MICU1: variants seen among roughly 807,000 people sequenced by gnomAD.
The protein encoded by MICU1 is mitochondrial calcium uptake 1, also known as calcium uptake protein 1, mitochondrial.
MICU1 carries 45 observed loss-of-function variants against 56.8 expected under a neutral mutation model. The ratio of observed to expected loss-of-function variants is 0.79; its 90% CI spans 0.62 to 1.02. The LOEUF is 1.02. MICU1 is among the 50% of genes least tolerant of loss of function. The pLI is 0.00. For synonymous variants in MICU1, 186 were observed against 195.1 expected, an observed-to-expected ratio of 0.95 and a Z score of 0.39; for missense variants, 504 against 587.1, an observed-to-expected ratio of 0.86 and a Z score of 1.46.
At chr10:72,497,836 A>T (rs1866897647) in intron 6 of MICU1, among the ~76,000 whole-genome samples, 1 of 152,308 alleles carries the variant, frequency 6.6e-6, no homozygotes, top group Non-Finnish European at 1.5e-5. Context: ...GAACTCAAAG[A>T]AGCCACATCT....
intron 1 of MICU1, among the ~76,000 whole-genome samples, chr10:72,593,664 T>G (rs1431111504): frequency 6.6e-6 from 1 of 152,162 alleles, no homozygotes; most frequent in Non-Finnish European, 1.5e-5. Flanking sequence ...ATAAATGAAT[T>G]CAGCAAGATG....
At chr10:72,413,125 A>T (rs11815027) in intron 9 of MICU1, among the ~76,000 whole-genome samples, 6,242 of 152,064 alleles carry the variant, frequency 0.041, 421 homozygotes, top group African/African-American at 0.14. Context: ...TGAACCCAGG[A>T]GGTGGAGGTT....
At chr10:72,575,965 G>C (rs1297885046) in intron 1 of MICU1, among the ~76,000 whole-genome samples, 1 of 152,138 alleles carries the variant, frequency 6.6e-6, no homozygotes, top group Non-Finnish European at 1.5e-5. Context: ...TGTAATCCCA[G>C]CACTTTGGGA....
chr10:72,491,988 C>T (rs1866672305), intron 6 of MICU1, among the ~76,000 whole-genome samples: 1 of 152,056 alleles, frequency 6.6e-6, no homozygotes, highest in African/African-American at 2.4e-5. Context: ...TATCCCCCTC[C>T]AAACATCCCT....
intron 5 of MICU1, among the ~76,000 whole-genome samples, chr10:72,518,034 CTTT>C (rs1197780931): frequency 7.0e-6 from 1 of 142,738 alleles, no homozygotes. Flanking sequence ...TTCTTTTCTT[CTTT>C]TTTTTTTTTT....
intron 8 of MICU1, among the ~76,000 whole-genome samples, chr10:72,445,428 T>C (rs1384508664): frequency 6.6e-6 from 1 of 152,142 alleles, no homozygotes; most frequent in Non-Finnish European, 1.5e-5. Flanking sequence ...AGAATATTGA[T>C]CAAAACACAG....
At chr10:72,565,786 C>T (rs1840417191) in intron 2 of MICU1, among the ~76,000 whole-genome samples, 3 of 152,070 alleles carry the variant, frequency 2.0e-5, no homozygotes, top group Non-Finnish European at 4.4e-5. Context: ...TACACTCCAG[C>T]CTGGGCGACA....
At chr10:72,623,763 C>G (rs1283366560) in intron 1 of MICU1, among the ~76,000 whole-genome samples, 1 of 151,794 alleles carries the variant, frequency 6.6e-6, no homozygotes, top group Non-Finnish European at 1.5e-5. Context: ...TGCTTGAACC[C>G]AGGAGGCAGA....
rs111892556 is a variant in MICU1 at position 72,600,844 on chromosome 10, C to T, written c.-2+25166G>A. 6.5e-3 allele frequency among the ~76,000 whole-genome samples: 991 copies of T among 152,252 alleles called. 8 individuals are homozygous for T. Among genetic ancestry groups the T allele is most frequent in the South Asian group, 0.015 (70 of 4,822 alleles). On this transcript the variant is annotated intron_variant, in intron 1 of 11. Coordinates refer to ENST00000361114, the MANE Select transcript of MICU1 (RefSeq NM_001195518.2). ...GTTCAGTACTATCTGCTGTTTCAGG[C>T]ATCCACTGAGGGTCTTAGAACATAT...
At chr10:72,526,619 T>A (rs1867970368) in intron 5 of MICU1, among the ~76,000 whole-genome samples, 1 of 152,118 alleles carries the variant, frequency 6.6e-6, no homozygotes, top group African/African-American at 2.4e-5. Flanking sequence ...CATCCTAAAT[T>A]TTGCTTGTCT....
chr10:72,411,874 ACTGAATGG>A (rs1281987818), intron 9 of MICU1, among the ~76,000 whole-genome samples: 5 of 152,182 alleles, frequency 3.3e-5, no homozygotes, highest in African/African-American at 1.2e-4. Context: ...AACAATCTAA[ACTGAATGG>A]CTATTCATTT....
chr10:72,387,427 G>C (rs1862926559), intron 10 of MICU1, among the ~76,000 whole-genome samples: 1 of 152,188 alleles, frequency 6.6e-6, no homozygotes, highest in African/African-American at 2.4e-5. Context: ...TTTATATAAA[G>C]AGTTGTTCTA....
At chr10:72,401,527 A>G (rs10823920) in intron 10 of MICU1, among the ~76,000 whole-genome samples, 87,416 of 151,936 alleles carry the variant, frequency 0.58, 25,966 homozygotes, top group Middle Eastern at 0.66. Flanking sequence ...GGTGGCACGC[A>G]CCTATAGTCC....
chr10:72,368,116 G>T lies in MICU1; in HGVS notation c.*79C>A, dbSNP rs549037748. On this transcript the variant is annotated 3_prime_UTR_variant, in exon 12 of 12. Transcript: ENST00000361114. ...AGGGGGACTACTTCCAGAAGCAGCA[G>T]CACAAAGGGCTCTGCCGAGACTCTG... 4 of 1,451,638 alleles carry T rather than the reference G, an allele frequency of 2.8e-6. No individual in the cohort carries two copies. Among genetic ancestry groups the T allele is most frequent in the African/African-American group, 1.4e-5 (1 of 71,352 alleles). 89.9% of individuals were successfully genotyped at this position (1,451,638 alleles called of 1,614,324 possible).
chr10:72,599,621 A>G (rs960309546), intron 1 of MICU1, among the ~76,000 whole-genome samples: 10 of 152,174 alleles, frequency 6.6e-5, no homozygotes, highest in African/African-American at 2.4e-4. Context: ...AGCAATTCAG[A>G]TTTGTTAAAG....
At chr10:72,510,671 T>A (rs1382615615) in intron 5 of MICU1, among the ~76,000 whole-genome samples, 1 of 151,436 alleles carries the variant, frequency 6.6e-6, no homozygotes, top group Non-Finnish European at 1.5e-5. Context: ...TGAGATGGAG[T>A]CTCGCTCTGT....
chr10:72,577,850 T>C (rs970257561), intron 1 of MICU1, among the ~76,000 whole-genome samples: 1 of 152,184 alleles, frequency 6.6e-6, no homozygotes, highest in Non-Finnish European at 1.5e-5. Flanking sequence ...TTTGTTCTTC[T>C]GGATGAACAA....
intron 1 of MICU1, among the ~76,000 whole-genome samples, chr10:72,574,085 C>G (rs1047242198): frequency 6.6e-6 from 1 of 152,118 alleles, no homozygotes; most frequent in Non-Finnish European, 1.5e-5. Flanking sequence ...CTCTTCCAAT[C>G]CTTGCACTGG....
At position 72,595,473 on chromosome 10, in the gene MICU1, GAA is replaced by G. The variant is rs11313788; in HGVS notation, c.-1-28681_-1-28680del. 3.3e-3 allele frequency among the ~76,000 whole-genome samples: 406 copies of G among 123,980 alleles called. 1 individual carries two copies. Among genetic ancestry groups the G allele is most frequent in the Non-Finnish European group, 5.0e-3 (303 of 60,236 alleles). The allele number at this position is 123,980 out of a possible 152,430, so 81.3% of individuals were successfully genotyped here. A position where few individuals can be genotyped will look rare whatever the true frequency, so the allele number is the denominator to read the frequency against. On this transcript the variant is annotated intron_variant, in intron 1 of 11. Coordinates refer to ENST00000361114, the MANE Select transcript of MICU1 (RefSeq NM_001195518.2). ...AAAAAAAAAAAAAAAAAGAAAAAAA[GAA>G]AAAAAAAAAAGACCATATACATCAA...
Sources: gnomAD v4.1 joint callset for allele counts (sites outside exome capture counted in the v4.1 genomes callset) on GRCh38, gnomAD v4.1.1 for gene constraint, MANE v1.5 for transcripts, NCBI Gene and HGNC (gene_info 2026-07-23, HGNC 2026-07-21) for gene names.